GRIA4: variants seen among roughly 807,000 people sequenced by gnomAD.
The protein encoded by GRIA4 is glutamate ionotropic receptor AMPA type subunit 4.
Under a neutral mutation model 104.0 loss-of-function variants are expected in GRIA4, and 34 were observed. The ratio of observed to expected loss-of-function variants is 0.33; its 90% CI spans 0.25 to 0.44. The LOEUF (loss-of-function observed/expected upper bound fraction) is 0.44, where lower values mean the gene tolerates loss of function less well. Among genes scored for constraint, GRIA4 ranks in the 20% least tolerant of loss-of-function variants. The probability of loss-of-function intolerance (pLI) is 1.00; values close to 1 mark genes in which losing one functional copy is unlikely to be tolerated. For missense variants in GRIA4, 750 were observed against 1,096.5 expected (o/e 0.68, Z 4.46); for synonymous variants, 386 against 381.9 (o/e 1.01, Z -0.13).
intron 3 of GRIA4, among the ~76,000 whole-genome samples, chr11:105,667,713 T>C (rs1952211554): frequency 2.6e-5 from 4 of 151,998 alleles, no homozygotes; most frequent in African/African-American, 7.2e-5. Context: ...ATAAAAATTG[T>C]ATGTATTTAA....
Position 105,926,915 on chromosome 11 carries a change from A to G in GRIA4, c.2022A>G (p.Ser674=), listed in dbSNP as rs12787449. 29,950 of 1,609,810 alleles carry G rather than the reference A, an allele frequency of 0.019. 346 individuals carry two copies. Among genetic ancestry groups the G allele is most frequent in the Middle Eastern group, 0.026 (156 of 6,042 alleles). The change falls in exon 13 of 17, where the codon TCA becomes TCG. Residue 674 remains serine, a synonymous_variant. Coordinates refer to ENST00000282499, the MANE Select transcript of GRIA4 (RefSeq NM_000829.4). ...QTEIAYGTLD[S]GSTKEFFRRS... is the part of the protein sequence containing the mutation. ...AAATTGCCTATGGAACACTGGATTC[A>G]GGATCAACAAAAGAATTCTTCAGAG...
intron 3 of GRIA4, among the ~76,000 whole-genome samples, chr11:105,727,810 A>T (rs796678772): frequency 6.6e-6 from 1 of 152,208 alleles, no homozygotes; most frequent in African/African-American, 2.4e-5. Context: ...AAAATCCTTT[A>T]CAGACAAGCA....
At chr11:105,769,421 C>G (rs535567969) in intron 4 of GRIA4, among the ~76,000 whole-genome samples, 26 of 152,086 alleles carry the variant, frequency 1.7e-4, no homozygotes, top group African/African-American at 6.3e-4. Flanking sequence ...ATAGAGAGAA[C>G]AGTGTACCCA....
chr11:105,928,241 G>A (rs1474875819), intron 13 of GRIA4, among the ~76,000 whole-genome samples: 1 of 151,810 alleles, frequency 6.6e-6, no homozygotes, highest in Non-Finnish European at 1.5e-5. Context: ...TCATCCCTGG[G>A]CATTGTTTAG....
intron 4 of GRIA4, among the ~76,000 whole-genome samples, chr11:105,777,784 A>G (rs1236355788): frequency 6.6e-6 from 1 of 152,202 alleles, no homozygotes; most frequent in East Asian, 1.9e-4. Flanking sequence ...TAGATGCACA[A>G]TAACAACCAA....
At chr11:105,664,269 GA>G (rs758211694) in intron 3 of GRIA4, among the ~76,000 whole-genome samples, 1 of 150,150 alleles carries the variant, frequency 6.7e-6, no homozygotes, top group Non-Finnish European at 1.5e-5. Flanking sequence ...GTGGAGGTCA[GA>G]AAAAAGAAGT....
chr11:105,911,052 G>A (rs1185694585), intron 10 of GRIA4, among the ~76,000 whole-genome samples: 1 of 151,988 alleles, frequency 6.6e-6, no homozygotes, highest in African/African-American at 2.4e-5. Context: ...ATTTTAATGA[G>A]CATGATTTAT....
At chr11:105,699,068 T>C (rs556312286) in intron 3 of GRIA4, among the ~76,000 whole-genome samples, 11 of 152,330 alleles carry the variant, frequency 7.2e-5, no homozygotes, top group South Asian at 2.1e-4. Flanking sequence ...CAAGTGCTCA[T>C]GTCTTCCTTT....
chr11:105,633,626 G>C (rs550363250), intron 3 of GRIA4, among the ~76,000 whole-genome samples: 2 of 152,234 alleles, frequency 1.3e-5, no homozygotes, highest in African/African-American at 4.8e-5. Context: ...TTATCAAAGA[G>C]TCTATAGATG....
At chr11:105,860,396 T>C (rs1387560706) in intron 4 of GRIA4, among the ~76,000 whole-genome samples, 1 of 152,128 alleles carries the variant, frequency 6.6e-6, no homozygotes, top group Non-Finnish European at 1.5e-5. Context: ...CCAAGTGCGG[T>C]ATACTCGTTT....
rs867289158 is a variant in GRIA4 at position 105,735,817 on chromosome 11, A to G, written c.248-17164A>G. ...TTGTTTTCTCCTTGGCACTAGAAGG[A>G]TACACACTTACATACTTAGACATAC... is the stretch of plus-strand genomic sequence containing the variant. On this transcript the variant is annotated intron_variant, in intron 3 of 16. Coordinates refer to ENST00000282499, the MANE Select transcript of GRIA4 (RefSeq NM_000829.4). Among the ~76,000 whole-genome samples the G allele has an allele frequency of 2.6e-5, 4 of 152,194 alleles. No homozygotes were observed. In the South Asian group the frequency reaches 8.3e-4, roughly 31 times the overall value.
chr11:105,846,350 T>C (rs895556995), intron 4 of GRIA4, among the ~76,000 whole-genome samples: 3 of 152,172 alleles, frequency 2.0e-5, no homozygotes, highest in Non-Finnish European at 4.4e-5. Context: ...GGAAGAGGTA[T>C]TGATTAAAAT....
chr11:105,740,152 T>C (rs1939215144), intron 3 of GRIA4, among the ~76,000 whole-genome samples: 1 of 152,000 alleles, frequency 6.6e-6, no homozygotes, highest in African/African-American at 2.4e-5. Flanking sequence ...CTTAACTGAG[T>C]TAAGATTGTT....
At chr11:105,808,932 C>T (rs1405485482) in intron 4 of GRIA4, among the ~76,000 whole-genome samples, 1 of 151,930 alleles carries the variant, frequency 6.6e-6, no homozygotes, top group Non-Finnish European at 1.5e-5. Flanking sequence ...TTTTTTTATT[C>T]AGGTAACCAA....
At chr11:105,858,354 C>A (rs1226023280) in intron 4 of GRIA4, among the ~76,000 whole-genome samples, 1 of 151,900 alleles carries the variant, frequency 6.6e-6, no homozygotes, top group Admixed American at 6.6e-5. Context: ...TTCACATTAC[C>A]TATCTTTTTA....
chr11:105,852,967 C>A lies in GRIA4; in HGVS notation c.488-9057C>A, dbSNP rs1042533518. Among the ~76,000 whole-genome samples, 20 of 148,832 alleles carry A rather than the reference C, an allele frequency of 1.3e-4. 2 individuals carry two copies. The East Asian group carries it at 4.0e-3, about 30-fold the overall frequency. Reference sequence around the variant, plus strand: ...GCCAGATCCAAATTAATATTATTTACAGTACACAGCTTGGCATGTGAATAT... The same window carrying A: ...GCCAGATCCAAATTAATATTATTTAAAGTACACAGCTTGGCATGTGAATAT... On this transcript the variant is annotated intron_variant, in intron 4 of 16. Transcript: ENST00000282499.
intron 4 of GRIA4, among the ~76,000 whole-genome samples, chr11:105,819,051 A>G (rs1370137855): frequency 1.3e-5 from 2 of 152,172 alleles, no homozygotes; most frequent in African/African-American, 4.8e-5. Context: ...AAGGACTGAA[A>G]AAGCAGCCAT....
intron 3 of GRIA4, among the ~76,000 whole-genome samples, chr11:105,752,650 T>A (rs1158150685): frequency 6.6e-6 from 1 of 152,196 alleles, no homozygotes; most frequent in East Asian, 1.9e-4. Flanking sequence ...TTGTCACACC[T>A]AAAGTTCTCT....
intron 3 of GRIA4, among the ~76,000 whole-genome samples, chr11:105,739,618 CT>C (rs1213377039): frequency 6.6e-6 from 1 of 152,076 alleles, no homozygotes; most frequent in Admixed American, 6.6e-5. Flanking sequence ...TATTAATAAC[CT>C]ATGATAATGC....
Sources: allele counts gnomAD v4.1 joint callset (sites outside exome capture counted in the v4.1 genomes callset), GRCh38; gene constraint gnomAD v4.1.1; transcripts MANE v1.5; gene names NCBI Gene and HGNC (gene_info 2026-07-23, HGNC 2026-07-21).